The following ZNF518A variants were observed in gnomAD, a reference collection of about 807,000 sequenced individuals.
The protein encoded by ZNF518A is zinc finger protein 518A.
A neutral mutation model predicts 102.7 loss-of-function variants in ZNF518A; 47 were observed. The observed-to-expected ratio is 0.46, with a 90% CI of 0.36 to 0.58. The LOEUF (loss-of-function observed/expected upper bound fraction) is 0.58. ZNF518A is among the 20% of genes least tolerant of loss of function. The pLI, the probability that ZNF518A is intolerant of heterozygous loss-of-function variation, is 0.00. For missense variants in ZNF518A, 1,793 were observed against 1,699.8 expected (o/e 1.05, Z -0.96); for synonymous variants, 652 against 594.6 (o/e 1.10, Z -1.40).
Position 96,162,314 on chromosome 10 carries a change from T to C in ZNF518A, c.*1540T>C, listed in dbSNP as rs1413931366. 2 of 166,782 alleles carry C rather than the reference T, an allele frequency of 1.2e-5. No homozygotes were observed. Among genetic ancestry groups the C allele is most frequent in the Non-Finnish European group, 2.9e-5 (2 of 68,026 alleles). 10.3% of individuals were successfully genotyped at this position (166,782 alleles called of 1,614,324 possible). A position where few individuals can be genotyped will look rare whatever the true frequency, so the allele number is the denominator to read the frequency against. On this transcript the variant is annotated 3_prime_UTR_variant, in exon 6 of 6. Coordinates refer to ENST00000316045, the MANE Select transcript of ZNF518A (RefSeq NM_001330736.2). Reference sequence around the variant, plus strand: ...GACTTTACCCATGTTATTTTCTTGGTTTTTATTTCAGATGTAGATTTTGTT... The same window carrying C: ...GACTTTACCCATGTTATTTTCTTGGCTTTTATTTCAGATGTAGATTTTGTT...
At chr10:96,134,078 C>T (rs929499320) in intron 3 of ZNF518A, among the ~76,000 whole-genome samples, 1 of 152,154 alleles carries the variant, frequency 6.6e-6, no homozygotes, top group African/African-American at 2.4e-5. Context: ...ACTCCAAAAT[C>T]TGAAACTTTT....
At chr10:96,139,217 G>C (rs2081782943) in intron 3 of ZNF518A, among the ~76,000 whole-genome samples, 1 of 152,112 alleles carries the variant, frequency 6.6e-6, no homozygotes, top group East Asian at 1.9e-4. Flanking sequence ...CCCAAGACCA[G>C]ATACCGCTGT....
At chr10:96,181,264 G>A (rs1224560122) in intron 1 of ZNF518A, among the ~76,000 whole-genome samples, 1 of 152,202 alleles carries the variant, frequency 6.6e-6, no homozygotes, top group Non-Finnish European at 1.5e-5. Flanking sequence ...CAGATGGATA[G>A]ATTGCAAAAG....
At chr10:96,144,038 T>C (rs1327843182) in intron 3 of ZNF518A, among the ~76,000 whole-genome samples, 1 of 152,138 alleles carries the variant, frequency 6.6e-6, no homozygotes, top group African/African-American at 2.4e-5. Flanking sequence ...TAGGCTGGAG[T>C]GCAGTAGCAT....
downstream of ZNF518A, among the ~76,000 whole-genome samples, chr10:96,165,809 C>CAG (rs1322799324): frequency 5.3e-5 from 8 of 152,080 alleles, no homozygotes; most frequent in African/African-American, 1.9e-4. Context: ...TAGGGTTTTT[C>CAG]AGAGATACAG....
rs2082803218 is a variant in ZNF518A, at chr10:96,158,258, A to G, written c.1936A>G (p.Asn646Asp). Residue 646 changes from asparagine to aspartate, a missense_variant, in exon 6 of 6, where the codon AAT becomes GAT. Physicochemically the swap from Asn to Asp is conservative, Grantham distance 23 (BLOSUM62 1). Around this residue, in one of 3 missense-constraint regions of ZNF518A, gnomAD observed 1,741 missense variants for 1,622.6 expected, o/e 1.07. Coordinates refer to ENST00000316045, the MANE Select transcript of ZNF518A (RefSeq NM_001330736.2). ...SLPFHNYSKV[N>D]NSNKRRRFSG... ...ACCTTTTCATAATTACTCAAAAGTG[A>G]ATAATTCTAATAAACGTCGTAGGTT... 2.5e-6 allele frequency: 4 copies of G among 1,613,408 alleles called. No homozygotes were observed. The Admixed American group carries it at 6.7e-5, about 27-fold the overall frequency.
chr10:96,197,352 TGGTGTGCA>T (rs1215336492), intron 1 of ZNF518A, among the ~76,000 whole-genome samples: 1 of 152,192 alleles, frequency 6.6e-6, no homozygotes, highest in Non-Finnish European at 1.5e-5. Flanking sequence ...TTGCCCAGGC[TGGTGTGCA>T]GTGGTGCAAT....
intron 1 of ZNF518A, among the ~76,000 whole-genome samples, chr10:96,183,990 G>A (rs1213046396): frequency 6.6e-6 from 1 of 152,070 alleles, no homozygotes; most frequent in African/African-American, 2.4e-5. Flanking sequence ...TATGAATCTG[G>A]GTGCTCCCGT....
chr10:96,173,598 G>A (rs1424795732), intron 1 of ZNF518A, among the ~76,000 whole-genome samples: 2 of 152,042 alleles, frequency 1.3e-5, no homozygotes, highest in East Asian at 3.8e-4. Context: ...AAACATATAT[G>A]CACCTAATAA....
intron 3 of ZNF518A, among the ~76,000 whole-genome samples, chr10:96,149,856 A>G (rs2082346241): frequency 6.6e-6 from 1 of 152,130 alleles, no homozygotes; most frequent in South Asian, 2.1e-4. Context: ...ATTTTCCTCA[A>G]AGAGTACATA....
intron 3 of ZNF518A, among the ~76,000 whole-genome samples, chr10:96,150,417 C>T (rs930540906): frequency 6.7e-6 from 1 of 150,282 alleles, no homozygotes; most frequent in Admixed American, 6.6e-5. Context: ...TATTACCCAC[C>T]TTTTTGGATA....
At chr10:96,166,671 G>A (rs1732638095), downstream of ZNF518A, among the ~76,000 whole-genome samples, 1 of 152,198 alleles carries the variant, frequency 6.6e-6, no homozygotes, top group Admixed American at 6.5e-5. Flanking sequence ...AGAGTCTGAG[G>A]CAAGAGGATG....
chr10:96,159,306 C>A lies in ZNF518A; in HGVS notation c.2984C>A (p.Thr995Asn). 6.2e-7 allele frequency: 1 copy of A among 1,613,412 alleles called. No individual in the cohort carries two copies. Among genetic ancestry groups the A allele is most frequent in the Non-Finnish European group, 8.5e-7 (1 of 1,179,642 alleles). Residue 995 changes from threonine to asparagine, a missense_variant, in exon 6 of 6, where the codon ACC becomes AAC. Physicochemically the swap from Thr to Asn is moderately conservative, Grantham distance 65 (BLOSUM62 0). Coordinates refer to ENST00000316045, the MANE Select transcript of ZNF518A (RefSeq NM_001330736.2). The stretch of plus-strand genomic sequence containing the variant: ...CTTGAAGGTGTTTCCGCTGTCAAAA[C>A]CGAGGGTGCCCCAGCTCGTGGAACT... The part of the protein sequence containing the change: ...GKLEGVSAVK[T>N]EGAPARGTVT...
intron 1 of ZNF518A, among the ~76,000 whole-genome samples, chr10:96,199,305 G>A (rs2083562608): frequency 6.6e-6 from 1 of 152,216 alleles, no homozygotes; most frequent in Admixed American, 6.5e-5. Flanking sequence ...GCTGTCCCTG[G>A]TGTTCCTACA....
chr10:96,180,567 TC>T (rs1229734688), intron 1 of ZNF518A, among the ~76,000 whole-genome samples: 28 of 152,172 alleles, frequency 1.8e-4, no homozygotes, highest in Middle Eastern at 6.8e-3. Flanking sequence ...ATTGTTCACT[TC>T]CCACCTATGA....
chr10:96,148,084 T>C (rs1402193220), intron 3 of ZNF518A, among the ~76,000 whole-genome samples: 1 of 152,226 alleles, frequency 6.6e-6, no homozygotes, highest in Non-Finnish European at 1.5e-5. Context: ...GTTCTTTTGA[T>C]GTTCCCTTTT....
chr10:96,164,015 T>A, downstream of ZNF518A, among the ~76,000 whole-genome samples: 1 of 152,224 alleles, frequency 6.6e-6, no homozygotes, highest in East Asian at 1.9e-4. Context: ...AATAGGTCAT[T>A]TGTGTGCTAA....
Position 96,156,469 on chromosome 10 carries a change from A to C in ZNF518A, c.147A>C (p.Lys49Asn), listed in dbSNP as rs781821976. The C allele has an allele frequency of 2.2e-5, 35 of 1,613,124 alleles. No individual in the cohort carries two copies. The highest frequency in any genetic ancestry group is 3.0e-5 in the Non-Finnish European group (35 of 1,179,594). ...GSIHYALKNV[K>N]IDLPKINIPN... ...TTCATTATGCACTAAAAAATGTGAA[A>C]ATTGATTTGCCAAAAATAAATATTC... Residue 49 changes from lysine to asparagine, a missense_variant, in exon 6 of 6, where the codon AAA (lysine) becomes AAC (asparagine). By Grantham distance (94) the Lys-to-Asn change is moderately conservative. Coordinates refer to ENST00000316045, the MANE Select transcript of ZNF518A (RefSeq NM_001330736.2).
In ZNF518A at chr10:96,137,870, C is replaced by G. The variant is rs587688179; in HGVS notation, c.-302+4222C>G. On this transcript the variant is annotated intron_variant, in intron 3 of 5. Transcript: ENST00000316045. ...TCCAGCCACACAGTCCACATTTCCT[C>G]TTGGATGTCAAATAGACATCTCAGA... 1.2e-4 allele frequency among the ~76,000 whole-genome samples: 19 copies of G among 152,294 alleles called. 1 individual carries two copies. In the South Asian group the frequency reaches 3.5e-3, roughly 28 times the overall value.
Sources: gnomAD v4.1 joint callset for allele counts (sites outside exome capture counted in the v4.1 genomes callset) on GRCh38, gnomAD v4.1.1 for gene constraint, gnomAD v4.1.1 regional missense constraint, MANE v1.5 for transcripts, NCBI Gene and HGNC (gene_info 2026-07-23, HGNC 2026-07-21) for gene names.